BMPR1B: variants seen among roughly 807,000 people sequenced by gnomAD.
The protein encoded by BMPR1B is bone morphogenetic protein receptor type-1B.
BMPR1B carries 12 observed loss-of-function variants against 59.1 expected under a neutral mutation model. The observed-to-expected ratio is 0.20, with a 90% CI of 0.13 to 0.33. The LOEUF (loss-of-function observed/expected upper bound fraction) is 0.33. Among genes scored for constraint, BMPR1B ranks in the 10% least tolerant of loss-of-function variants. BMPR1B has a pLI of 1.00. For missense variants in BMPR1B, 550 were observed against 610.9 expected, an observed-to-expected ratio of 0.90 and a Z score of 1.05; for synonymous variants, 237 against 207.3, an observed-to-expected ratio of 1.14 and a Z score of -1.23.
chr4:94,939,794 T>C (rs1294952247), intron 2 of BMPR1B, among the ~76,000 whole-genome samples: 1 of 152,226 alleles, frequency 6.6e-6, no homozygotes, highest in African/African-American at 2.4e-5. Flanking sequence ...AGATATTATC[T>C]AGGAAAAATG....
At chr4:95,020,345 C>T (rs1006819524) in intron 3 of BMPR1B, among the ~76,000 whole-genome samples, 2 of 152,082 alleles carry the variant, frequency 1.3e-5, no homozygotes, top group African/African-American at 2.4e-5. Context: ...TTTGGGAGGC[C>T]GAGGCGGGCA....
At chr4:95,151,223 A>T (rs1011144669) in intron 11 of BMPR1B, among the ~76,000 whole-genome samples, 4 of 152,226 alleles carry the variant, frequency 2.6e-5, no homozygotes, top group Admixed American at 2.6e-4. Context: ...GGAGAAAAGA[A>T]TAAGGCCTAT....
chr4:94,987,163 CAT>C (rs1215037885), intron 2 of BMPR1B, among the ~76,000 whole-genome samples: 1 of 139,768 alleles, frequency 7.2e-6, no homozygotes, highest in Admixed American at 7.4e-5. Flanking sequence ...TATACATATA[CAT>C]ATATGTGTAA....
intron 1 of BMPR1B, among the ~76,000 whole-genome samples, chr4:94,761,819 G>C (rs540837539): frequency 1.3e-5 from 2 of 152,222 alleles, no homozygotes; most frequent in East Asian, 3.9e-4. Context: ...GTTTCCATAT[G>C]CTGAATTTTA....
chr4:95,144,196 A>G (rs1734461926), intron 10 of BMPR1B, among the ~76,000 whole-genome samples: 1 of 152,044 alleles, frequency 6.6e-6, no homozygotes, highest in Non-Finnish European at 1.5e-5. Flanking sequence ...ATTTTTTGAG[A>G]TGAGGTCTCC....
At chr4:94,964,138 G>A (rs1411891963) in intron 2 of BMPR1B, among the ~76,000 whole-genome samples, 1 of 151,928 alleles carries the variant, frequency 6.6e-6, no homozygotes, top group Non-Finnish European at 1.5e-5. Context: ...TTAGCTTTTA[G>A]CATATATAAA....
At chr4:94,894,438 AAGAG>A (rs35163913) in intron 2 of BMPR1B, among the ~76,000 whole-genome samples, 23 of 149,460 alleles carry the variant, frequency 1.5e-4, no homozygotes, top group South Asian at 4.2e-4. Flanking sequence ...TGGCCTTTAA[AAGAG>A]AGAGAGAGAG....
intron 2 of BMPR1B, among the ~76,000 whole-genome samples, chr4:94,961,072 G>A (rs1203787763): frequency 1.3e-4 from 19 of 151,932 alleles, no homozygotes; most frequent in Admixed American, 1.2e-3. Context: ...TGTTATCTGT[G>A]GATTTTGTTT....
Position 94,973,443 on chromosome 4 carries a change from A to G in BMPR1B, c.-112-22597A>G, listed in dbSNP as rs1014278350. ...AGCTGAAAAGGGCACAGGGCGGATAATCATCTTCCCATGAAGTCTGACCAT... is the reference window on the plus strand; with the variant it reads ...AGCTGAAAAGGGCACAGGGCGGATAGTCATCTTCCCATGAAGTCTGACCAT... On this transcript the variant is annotated intron_variant, in intron 2 of 12. Transcript: ENST00000515059. 2.0e-5 allele frequency among the ~76,000 whole-genome samples: 3 copies of G among 152,268 alleles called. 1 individual carries two copies. The highest frequency in any genetic ancestry group is 6.8e-3 in the Middle Eastern group (2 of 292).
intron 3 of BMPR1B, among the ~76,000 whole-genome samples, chr4:95,086,198 C>T (rs1338192322): frequency 6.6e-6 from 1 of 152,140 alleles, no homozygotes; most frequent in Non-Finnish European, 1.5e-5. Context: ...CATTTGATAG[C>T]AAGAATCCTT....
intron 1 of BMPR1B, among the ~76,000 whole-genome samples, chr4:94,828,981 G>C (rs1039137802): frequency 6.9e-6 from 1 of 144,580 alleles, no homozygotes; most frequent in African/African-American, 2.7e-5. Context: ...GTGTGTGAGA[G>C]AAGTCATTAA....
In BMPR1B at chr4:94,872,515, A is replaced by G. The variant is rs140675204; in HGVS notation, c.-182-3316A>G. On this transcript the variant is annotated intron_variant, in intron 1 of 12. Transcript: ENST00000515059. Reference sequence around the variant, plus strand: ...AACCTTTTCAGATGAGAAATTAGAAATTTTGTCTTCATATTTTATAAGAAT... The same window carrying G: ...AACCTTTTCAGATGAGAAATTAGAAGTTTTGTCTTCATATTTTATAAGAAT... Among the ~76,000 whole-genome samples the G allele has an allele frequency of 5.7e-3, 861 of 152,252 alleles. 7 individuals carry two copies. Among genetic ancestry groups the G allele is most frequent in the African/African-American group, 0.02 (812 of 41,540 alleles).
At chr4:94,881,038 T>G (rs1726947882) in intron 2 of BMPR1B, among the ~76,000 whole-genome samples, 1 of 152,146 alleles carries the variant, frequency 6.6e-6, no homozygotes, top group Admixed American at 6.5e-5. Flanking sequence ...TTGCCATTTT[T>G]TATTGTGGCA....
chr4:95,043,172 A>C (rs1214299264), intron 3 of BMPR1B, among the ~76,000 whole-genome samples: 2 of 105,310 alleles, frequency 1.9e-5, no homozygotes, highest in African/African-American at 4.0e-5. Context: ...ACAGAGCGAG[A>C]CTCCGTCTCA....
chr4:94,981,579 C>A (rs555701379), intron 2 of BMPR1B, among the ~76,000 whole-genome samples: 32 of 152,196 alleles, frequency 2.1e-4, no homozygotes, highest in Non-Finnish European at 4.3e-4. Flanking sequence ...TATTTTCTTA[C>A]AATTTAATTT....
intron 3 of BMPR1B, among the ~76,000 whole-genome samples, chr4:95,011,298 C>G (rs1334207708): frequency 6.6e-6 from 1 of 152,006 alleles, no homozygotes; most frequent in Non-Finnish European, 1.5e-5. Context: ...ATTTAGCTCC[C>G]GCTTATAAGT....
At chr4:94,972,764 G>A (rs1730861848) in intron 2 of BMPR1B, among the ~76,000 whole-genome samples, 1 of 151,994 alleles carries the variant, frequency 6.6e-6, no homozygotes. Context: ...ATGCTATTCA[G>A]TTTCTCCATT....
intron 2 of BMPR1B, among the ~76,000 whole-genome samples, chr4:94,953,574 A>T (rs867109948): frequency 1.3e-5 from 2 of 151,784 alleles, no homozygotes; most frequent in South Asian, 4.1e-4. Context: ...AAGAATGTTG[A>T]ATATTGGCCC....
chr4:94,880,936 C>T (rs2148978874), intron 2 of BMPR1B, among the ~76,000 whole-genome samples: 1 of 152,134 alleles, frequency 6.6e-6, no homozygotes, highest in Middle Eastern at 3.4e-3. Context: ...GGGTCCAGCC[C>T]TAAAATATTT....
Sources: gnomAD v4.1 joint callset for allele counts (sites outside exome capture counted in the v4.1 genomes callset) on GRCh38, gnomAD v4.1.1 for gene constraint, MANE v1.5 for transcripts, NCBI Gene and HGNC (gene_info 2026-07-23, HGNC 2026-07-21) for gene names.